CASP4: variants seen among roughly 807,000 people sequenced by gnomAD.
CASP4 encodes the protein caspase 4.
In CASP4, 29 loss-of-function variants were observed where a neutral mutation model predicts 41.3. The ratio of observed to expected loss-of-function variants is 0.70; its 90% confidence interval spans 0.52 to 0.96. The LOEUF (loss-of-function observed/expected upper bound fraction) is 0.96. Among genes scored for constraint, CASP4 ranks in the 40% least tolerant of loss-of-function variants. The probability of loss-of-function intolerance (pLI) is 0.00; values close to 1 mark genes in which losing one functional copy is unlikely to be tolerated. For synonymous variants in CASP4, 185 were observed against 158.4 expected (o/e 1.17, Z -1.26); for missense variants, 447 against 460.6 (o/e 0.97, Z 0.27).
rs1308206705 is a variant in CASP4, at chr11:104,951,012, A to G, written c.459T>C (p.Asn153=). The G allele has an allele frequency of 3.7e-6, 6 of 1,613,378 alleles. No individual in the cohort carries two copies. In the Admixed American group the frequency reaches 1.0e-4, roughly 27 times the overall value. ...NTEFDHLPPR[N]GADFDITGMK... ...TCCCTGTGATGTCAAAGTCAGCTCCATTCCTCGGAGGCAGATGGTCAAACT... is the reference window on the plus strand; with the variant it reads ...TCCCTGTGATGTCAAAGTCAGCTCCGTTCCTCGGAGGCAGATGGTCAAACT... Residue 153 remains asparagine (N), a synonymous_variant, in exon 4 of 9, where the codon AAT becomes AAC. Transcript: ENST00000444739.
chr11:104,956,840 C>T (rs570641899), intron 1 of CASP4: 1 of 152,608 alleles, frequency 6.6e-6, no homozygotes, highest in East Asian at 1.9e-4. Context: ...TATTTGTGTG[C>T]TCAGTAAACT....
intron 3 of CASP4, chr11:104,951,342 AC>A (rs1860608833): frequency 2.9e-6 from 1 of 348,286 alleles, no homozygotes; most frequent in Non-Finnish European, 5.2e-6. Context: ...TTTCTTCTTC[AC>A]CTACTCCAAT....
intron 2 of CASP4, among the ~76,000 whole-genome samples, chr11:104,953,952 A>G (rs1860676397): frequency 6.6e-6 from 1 of 152,170 alleles, no homozygotes; most frequent in African/African-American, 2.4e-5. Flanking sequence ...TAGCATCCAC[A>G]TAATAATTAT....
At chr11:104,960,331 C>T (rs1295630371) in intron 1 of CASP4, among the ~76,000 whole-genome samples, 1 of 152,204 alleles carries the variant, frequency 6.6e-6, no homozygotes, top group East Asian at 1.9e-4. Context: ...TCTGTCTATC[C>T]TTCAAGTATC....
chr11:104,957,017 T>G (rs900646313), intron 1 of CASP4, among the ~76,000 whole-genome samples: 1 of 152,092 alleles, frequency 6.6e-6, no homozygotes, highest in Non-Finnish European at 1.5e-5. Flanking sequence ...GACAAAGATA[T>G]TCACATTTAC....
Position 104,952,055 on chromosome 11 carries a change from A to G in CASP4, c.263-50T>C, listed in dbSNP as rs760175020. 1.2e-5 allele frequency: 13 copies of G among 1,090,276 alleles called. No individual in the cohort carries two copies. The African/African-American group carries it at 1.7e-4, about 14-fold the overall frequency. The allele number at this position is 1,090,276 out of a possible 1,614,324, so 67.5% of individuals were successfully genotyped here. A position where few individuals can be genotyped will look rare whatever the true frequency, so the allele number is the denominator to read the frequency against. Reference sequence around the variant, plus strand: ...TTGTGATTTCTGCCTCTGTGACCCAATTTATCACCTAAGAAGATCGAGAGA... The same window carrying G: ...TTGTGATTTCTGCCTCTGTGACCCAGTTTATCACCTAAGAAGATCGAGAGA... On this transcript the variant is annotated intron_variant, in intron 2 of 8. Coordinates refer to ENST00000444739, the MANE Select transcript of CASP4 (RefSeq NM_001225.4).
At chr11:104,946,380 C>T (rs1269387385) in intron 7 of CASP4, among the ~76,000 whole-genome samples, 1 of 152,042 alleles carries the variant, frequency 6.6e-6, no homozygotes, top group African/African-American at 2.4e-5. Context: ...CTGAGCAAAT[C>T]CCTGCCATCA....
intron 4 of CASP4, among the ~76,000 whole-genome samples, 157 bp from the exon 5 acceptor site, chr11:104,949,934 TTTTTCC>T (rs1481614003): frequency 6.6e-6 from 1 of 152,182 alleles, no homozygotes. Flanking sequence ...AATGGTTTTA[TTTTTCC>T]TTCTTTATGG....
chr11:104,950,825 C>CA, intron 4 of CASP4, 100 bp downstream of exon 4: 1 of 1,116,182 alleles, frequency 9.0e-7, no homozygotes. Context: ...CACACACACC[C>CA]AAAGGTTGTT....
At chr11:104,945,888 C>T (rs573265714) in intron 7 of CASP4, among the ~76,000 whole-genome samples, 2 of 151,888 alleles carry the variant, frequency 1.3e-5, no homozygotes, top group East Asian at 1.9e-4. Flanking sequence ...ACTCTGTCAT[C>T]CAGGCTAGAG....
At chr11:104,944,606 G>A in intron 8 of CASP4, 142 bp downstream of exon 8, 1 of 580,466 alleles carries the variant, frequency 1.7e-6, no homozygotes, top group Admixed American at 3.1e-5. Flanking sequence ...TCGGAAAGAA[G>A]TAGCAGATAA....
chr11:104,957,647 T>A (rs988677951), intron 1 of CASP4, among the ~76,000 whole-genome samples: 1 of 152,062 alleles, frequency 6.6e-6, no homozygotes, highest in Non-Finnish European at 1.5e-5. Flanking sequence ...CAAAAATAAG[T>A]AGAAATGTAT....
intron 1 of CASP4, among the ~76,000 whole-genome samples, chr11:104,962,094 TC>T (rs1194235825): frequency 6.6e-6 from 1 of 152,162 alleles, no homozygotes; most frequent in Non-Finnish European, 1.5e-5. Flanking sequence ...GTTAAATGGT[TC>T]CCCATGCAGC....
At chr11:104,949,856 CAAGAAACATATGT>C (rs920527962) in intron 4 of CASP4, 79 bp from the exon 5 acceptor site, 36 of 1,352,140 alleles carry the variant, frequency 2.7e-5, no homozygotes, top group Non-Finnish European at 3.7e-5. Flanking sequence ...ATGAGCGAAA[CAAGAAACATATGT>C]AACATCCAGG....
At chr11:104,949,917 G>A (rs1191455617) in intron 4 of CASP4, 140 bp from the exon 5 acceptor site, 5 of 742,520 alleles carry the variant, frequency 6.7e-6, no homozygotes, top group Non-Finnish European at 1.1e-5. Flanking sequence ...AGTCATGACA[G>A]CTGTTTAATG....
rs374452886 is a variant in CASP4 at position 104,950,241 on chromosome 11, G to A, written c.547-464C>T. ...TCTCTTTGTGCTTCTCGTGTGCCAG[G>A]TTCATTTTCAGCTCAGCTCTTTCAC... is the stretch of plus-strand genomic sequence containing the variant. On this transcript the variant is annotated intron_variant, in intron 4 of 8. Transcript: ENST00000444739. Among the ~76,000 whole-genome samples, 39 of 152,126 alleles carry A rather than the reference G, an allele frequency of 2.6e-4. 1 individual carries two copies. In the East Asian group the frequency reaches 7.4e-3, roughly 29 times the overall value.
chr11:104,948,536 G>C lies in CASP4; in HGVS notation c.922C>G (p.Pro308Ala). The C allele has an allele frequency of 6.2e-7, 1 of 1,602,778 alleles. No homozygotes were observed. The highest frequency in any genetic ancestry group is 8.5e-7 in the Non-Finnish European group (1 of 1,173,008). Reference sequence around the variant, plus strand: ...ACTGCCACTGAAAGATACATACGTGGCGTTGAAGAGCAGAAAGCAATGAAG... The same window carrying C: ...ACTGCCACTGAAAGATACATACGTGCCGTTGAAGAGCAGAAAGCAATGAAG... ...KDFIAFCSST[P>A]HNVSWRDSTM... Residue 308 changes from proline to alanine, a missense_variant, in exon 6 of 9, where the codon CCA (proline) becomes GCA (alanine). Physicochemically the swap from Pro to Ala is conservative, Grantham distance 27. Transcript: ENST00000444739.
At chr11:104,958,585 G>A (rs1860788320) in intron 1 of CASP4, among the ~76,000 whole-genome samples, 1 of 152,112 alleles carries the variant, frequency 6.6e-6, no homozygotes, top group Admixed American at 6.6e-5. Context: ...GCACCTGTTG[G>A]AATGGCTATT....
At chr11:104,951,803 C>T (rs749356944) in intron 3 of CASP4, 93 bp downstream of exon 3, 2 of 824,804 alleles carry the variant, frequency 2.4e-6, no homozygotes, top group African/African-American at 1.7e-5. Flanking sequence ...GTCATCCCCA[C>T]CCCCAATCAT....
Sources: allele counts gnomAD v4.1 joint callset (sites outside exome capture counted in the v4.1 genomes callset), GRCh38; gene constraint gnomAD v4.1.1; transcripts MANE v1.5; gene names NCBI Gene and HGNC (gene_info 2026-07-23, HGNC 2026-07-21).